NCKIPSD: variants seen among roughly 807,000 people sequenced by gnomAD.
NCKIPSD encodes the protein NCK-interacting protein with SH3 domain.
NCKIPSD carries 48 observed loss-of-function variants against 73.4 expected under a neutral mutation model. The observed-to-expected ratio is 0.65, with a 90% CI of 0.52 to 0.83. NCKIPSD has a LOEUF of 0.83. Ranked by LOEUF, NCKIPSD falls within the 40% of genes least tolerant of loss-of-function variation. The pLI is 0.00. For synonymous variants in NCKIPSD, 422 were observed against 403.6 expected (o/e 1.05, Z -0.54); for missense variants, 884 against 970.2 (o/e 0.91, Z 1.18).
At chr3:48,681,192 C>G in intron 5 of NCKIPSD, 95 bp downstream of exon 5, 1 of 1,481,370 alleles carries the variant, frequency 6.8e-7, no homozygotes. Flanking sequence ...AGAGCCAGAG[C>G]TTGAGAAATA....
At chr3:48,677,426 T>C (rs2077272526) in intron 12 of NCKIPSD, among the ~76,000 whole-genome samples, 1 of 150,928 alleles carries the variant, frequency 6.6e-6, no homozygotes, top group Non-Finnish European at 1.5e-5. Flanking sequence ...AAAAAAACAC[T>C]CTCCCTATCC....
chr3:48,674,446 T>C lies in NCKIPSD; in HGVS notation c.*98A>G. 8 of 1,494,552 alleles carry C rather than the reference T, an allele frequency of 5.4e-6. No homozygotes were observed. The highest frequency in any genetic ancestry group is 7.1e-6 in the Non-Finnish European group (8 of 1,120,972). 92.6% of individuals were successfully genotyped at this position (1,494,552 alleles called of 1,614,324 possible). On this transcript the variant is annotated 3_prime_UTR_variant, in exon 13 of 13. Transcript: ENST00000294129. ...CCTGCTCAGGTTCCTTCTGCCACCT[T>C]ATCCCCTCCCACTGTCAGTGCAAAA... is the stretch of plus-strand genomic sequence containing the variant.
chr3:48,683,654 G>A (rs2077389952), intron 1 of NCKIPSD, among the ~76,000 whole-genome samples: 2 of 152,254 alleles, frequency 1.3e-5, no homozygotes, highest in South Asian at 4.1e-4. Flanking sequence ...GGATAAACAT[G>A]AGAGAGGGGC....
Position 48,673,995 on chromosome 3 carries a change from T to C in NCKIPSD, c.*549A>G. 1 of 1,071,638 alleles carries C rather than the reference T, an allele frequency of 9.3e-7. No individual in the cohort carries two copies. The highest frequency in any genetic ancestry group is 1.1e-6 in the Non-Finnish European group (1 of 882,370). 66.4% of individuals were successfully genotyped at this position (1,071,638 alleles called of 1,614,324 possible). A position where few individuals can be genotyped will look rare whatever the true frequency, so the allele number is the denominator to read the frequency against. ...CTGTTCCATGAGGCTCCAGGATGGA[T>C]GGCCTGTCTCCAAGATCCCGCTTTC... On this transcript the variant is annotated 3_prime_UTR_variant, in exon 13 of 13. Transcript: ENST00000294129.
rs754798897 is a variant in NCKIPSD, at chr3:48,678,694, T to G, written c.1835A>C (p.His612Pro). The part of the protein sequence containing the change: ...RIFKHEPQPP[H>P]SVLKFLQDVF... ...GTCCTGCAGGAACTTGAGGACAGAG[T>G]GTGGTGGCTGTGGCTCATGTTTGAA... The change falls in exon 12 of 13, where the codon CAC (histidine) becomes CCC (proline). Residue 612 changes from histidine to proline, a missense_variant. Transcript: ENST00000294129. 5.6e-6 allele frequency: 9 copies of G among 1,613,310 alleles called. No homozygotes were observed. The highest frequency in any genetic ancestry group is 7.6e-6 in the Non-Finnish European group (9 of 1,179,870).
chr3:48,682,577 T>TG (rs746723466), intron 2 of NCKIPSD, 25 bp from the exon 3 acceptor site: 2 of 1,610,606 alleles, frequency 1.2e-6, no homozygotes, highest in Non-Finnish European at 1.7e-6. Flanking sequence ...GGAAGACTAT[T>TG]GGGGGGTTGC....
rs2106747391 is a variant in NCKIPSD at position 48,678,685 on chromosome 3, A to AGGACAGAGTGTG, written c.1832_1843dup (p.Pro611_Val614dup). The stretch of plus-strand genomic sequence containing the variant: ...GCCAAACACGTCCTGCAGGAACTTG[A>AGGACAGAGTGTG]GGACAGAGTGTGGTGGCTGTGGCTC... On this transcript the variant is annotated inframe_insertion, in exon 12 of 13. Coordinates refer to ENST00000294129, the MANE Select transcript of NCKIPSD (RefSeq NM_016453.4). The AGGACAGAGTGTG allele has an allele frequency of 6.2e-7, 1 of 1,614,164 alleles. No homozygotes were observed. Among genetic ancestry groups the AGGACAGAGTGTG allele is most frequent in the South Asian group, 1.1e-5 (1 of 91,084 alleles).
At position 48,680,907 on chromosome 3, in the gene NCKIPSD, G is replaced by A. The variant is rs181559299; in HGVS notation, c.1092+380C>T. ...GCAAGGCACTACCCTCACCCACGCC[G>A]TGTCCATTCCTTCCCTGCAGCCAGA... On this transcript the variant is annotated intron_variant, in intron 5 of 12. Coordinates refer to ENST00000294129, the MANE Select transcript of NCKIPSD (RefSeq NM_016453.4). Among the ~76,000 whole-genome samples the A allele has an allele frequency of 6.0e-4, 92 of 152,174 alleles. 1 individual carries two copies. The highest frequency in any genetic ancestry group is 9.4e-4 in the Non-Finnish European group (64 of 68,016).
chr3:48,680,147 C>T lies in NCKIPSD; in HGVS notation c.1175G>A (p.Arg392Gln), dbSNP rs753041351. 16 of 1,613,870 alleles carry T rather than the reference C, an allele frequency of 9.9e-6. No individual in the cohort carries two copies. Among genetic ancestry groups the T allele is most frequent in the South Asian group, 2.2e-5 (2 of 91,086 alleles). ...LEVIFADLAR[R>Q]KDDAQQRSWA... ...ACTGCGCTGCTGGGCGTCGTCCTTC[C>T]GGCGAGCCAGGTCTGCAAAGATCAC... is the stretch of plus-strand genomic sequence containing the variant. Residue 392 changes from arginine (R) to glutamine (Q), a missense_variant, in exon 6 of 13, where the codon CGG becomes CAG. Transcript: ENST00000294129.
chr3:48,682,103 G>A lies in NCKIPSD; in HGVS notation c.540C>T (p.Thr180=), dbSNP rs547098674. 1 of 1,601,546 alleles carries A rather than the reference G, an allele frequency of 6.2e-7. No individual in the cohort carries two copies. Among genetic ancestry groups the A allele is most frequent in the Middle Eastern group, 1.7e-4 (1 of 6,058 alleles). ...IPPQPRRAAP[T]TPPPPVKRRD... The stretch of plus-strand genomic sequence containing the variant: ...GGCGCTTCACTGGTGGGGGCGGTGT[G>A]GTGGGTGCTGCTCGGCGAGGCTGTG... Residue 180 remains threonine, a synonymous_variant, in exon 4 of 13, where the codon ACC becomes ACT. Coordinates refer to ENST00000294129, the MANE Select transcript of NCKIPSD (RefSeq NM_016453.4).
chr3:48,682,286 GC>G lies in NCKIPSD; in HGVS notation c.486+61del, dbSNP rs1323356187. On this transcript the variant is annotated intron_variant, in intron 3 of 12. Coordinates refer to ENST00000294129, the MANE Select transcript of NCKIPSD (RefSeq NM_016453.4). ...CATCACTCCTGAGTGGACCCCTTGA[GC>G]CTCTGGATGAAGCCTCAAGTTCCAC... The G allele has an allele frequency of 3.0e-5, 48 of 1,600,318 alleles. No individual in the cohort carries two copies. In the African/African-American group the frequency reaches 6.4e-4, roughly 21 times the overall value.
rs902872893 is a variant in NCKIPSD, at chr3:48,674,482, G to A, written c.*62C>T. On this transcript the variant is annotated 3_prime_UTR_variant, in exon 13 of 13. Transcript: ENST00000294129. ...ACTGTCAGTGCAAAACATTCTTAGG[G>A]CCAAGCCCCTGAGTCCCCTGCACAC... is the stretch of plus-strand genomic sequence containing the variant. 1.8e-4 allele frequency: 278 copies of A among 1,532,860 alleles called. 1 individual carries two copies. In the East Asian group the frequency reaches 6.7e-3, roughly 37 times the overall value. 95.0% of individuals were successfully genotyped at this position (1,532,860 alleles called of 1,614,324 possible). A position where few individuals can be genotyped will look rare whatever the true frequency, so the allele number is the denominator to read the frequency against.
intron 2 of NCKIPSD, 67 bp downstream of exon 2, chr3:48,682,836 A>T: frequency 1.3e-6 from 2 of 1,510,704 alleles, no homozygotes; most frequent in Non-Finnish European, 1.8e-6. Context: ...GCCCCATGAC[A>T]CTCATTGAAG....
intron 5 of NCKIPSD, among the ~76,000 whole-genome samples, chr3:48,680,433 T>C (rs2077332416): frequency 2.0e-5 from 3 of 152,064 alleles, no homozygotes; most frequent in Non-Finnish European, 4.4e-5. Flanking sequence ...GTAGGGGGTT[T>C]TCAACAGCTC....
rs549294186 is a variant in NCKIPSD at position 48,674,707 on chromosome 3, C to T, written c.2006G>A (p.Arg669His). 6.8e-6 allele frequency: 11 copies of T among 1,613,950 alleles called. No homozygotes were observed. The highest frequency in any genetic ancestry group is 1.7e-5 in the Admixed American group (1 of 60,014). ...GCGGTGCTGCAGGTAGGGTGTGGTG[C>T]GGACTATAGCATGCATCAGGGAGAG... ...EYLSLMHAIVRTTPYLQHRHR... is the reference protein window; with the variant it reads ...EYLSLMHAIVHTTPYLQHRHR... The change falls in exon 13 of 13, where the codon CGC becomes CAC. Residue 669 changes from arginine (R) to histidine (H), a missense_variant. Coordinates refer to ENST00000294129, the MANE Select transcript of NCKIPSD (RefSeq NM_016453.4).
intron 9 of NCKIPSD, 21 bp from the exon 10 acceptor site, chr3:48,679,204 A>G: frequency 6.2e-7 from 1 of 1,613,196 alleles, no homozygotes; most frequent in South Asian, 1.1e-5. Flanking sequence ...GGCGCACAGA[A>G]GTCTGCAGCC....
At chr3:48,685,465 T>TGATG (rs2077422157) in intron 1 of NCKIPSD, among the ~76,000 whole-genome samples, 172 bp downstream of exon 1, 1 of 151,746 alleles carries the variant, frequency 6.6e-6, no homozygotes, top group African/African-American at 2.4e-5. Flanking sequence ...ACACTTGGGG[T>TGATG]CTCAGTCCCC....
In NCKIPSD at chr3:48,679,661, C is replaced by T; in HGVS notation, c.1403G>A (p.Cys468Tyr). 2 of 1,614,194 alleles carry T rather than the reference C, an allele frequency of 1.2e-6. No individual in the cohort carries two copies. Among genetic ancestry groups the T allele is most frequent in the Non-Finnish European group, 1.7e-6 (2 of 1,180,032 alleles). The change falls in exon 8 of 13, where the codon TGC (cysteine) becomes TAC (tyrosine). Residue 468 changes from cysteine (C) to tyrosine (Y), a missense_variant. Coordinates refer to ENST00000294129, the MANE Select transcript of NCKIPSD (RefSeq NM_016453.4). Reference protein sequence around the residue: ...LLLLKCFGAMCSLDAAIISTL... With the variant: ...LLLLKCFGAMYSLDAAIISTL... ...GGAGATGATGGCTGCATCCAGGCTG[C>T]ACATGGCGCCAAAGCACTTGAGGAG...
At position 48,679,789 on chromosome 3, in the gene NCKIPSD, T is replaced by C; in HGVS notation, c.1350+12A>G. 7 of 1,614,168 alleles carry C rather than the reference T, an allele frequency of 4.3e-6. No individual in the cohort carries two copies. Among genetic ancestry groups the C allele is most frequent in the South Asian group, 1.1e-5 (1 of 91,076 alleles). On this transcript the variant is annotated intron_variant, in intron 7 of 12. Transcript: ENST00000294129. ...GTCTCTCCATTACCCCTCCCCTCCATCCTGCACATACCATTTGGTAATAGG... is the reference window on the plus strand; with the variant it reads ...GTCTCTCCATTACCCCTCCCCTCCACCCTGCACATACCATTTGGTAATAGG...
Sources: gnomAD v4.1 joint callset for allele counts (sites outside exome capture counted in the v4.1 genomes callset) on GRCh38, gnomAD v4.1.1 for gene constraint, MANE v1.5 for transcripts, NCBI Gene and HGNC (gene_info 2026-07-23, HGNC 2026-07-21) for gene names.